The following SNTA1 variants were observed in gnomAD, a reference collection of about 807,000 sequenced individuals.
SNTA1 encodes alpha-1-syntrophin.
A neutral mutation model predicts 47.1 loss-of-function variants in SNTA1; 31 were observed. The ratio of observed to expected loss-of-function variants is 0.66; its 90% CI spans 0.49 to 0.89. SNTA1 has a LOEUF of 0.89. Ranked by LOEUF, SNTA1 falls within the 40% of genes least tolerant of loss-of-function variation. The pLI is 0.00. For missense variants in SNTA1, 575 were observed against 693.0 expected (o/e 0.83, Z 1.91); for synonymous variants, 300 against 313.6 (o/e 0.96, Z 0.46).
chr20:33,419,337 C>A (rs865904176), intron 2 of SNTA1, among the ~76,000 whole-genome samples: 2 of 152,186 alleles, frequency 1.3e-5, no homozygotes, highest in African/African-American at 4.8e-5. Flanking sequence ...GGAAGTAATT[C>A]TTGGCCCACC....
chr20:33,427,917 T>G (rs1372095325), intron 2 of SNTA1, among the ~76,000 whole-genome samples: 14 of 152,034 alleles, frequency 9.2e-5, no homozygotes, highest in African/African-American at 3.1e-4. Flanking sequence ...CATGGGATTT[T>G]TTTTTTTAAT....
intron 1 of SNTA1, among the ~76,000 whole-genome samples, chr20:33,443,055 A>T (rs1197336080): frequency 6.8e-6 from 1 of 146,508 alleles, no homozygotes; most frequent in Non-Finnish European, 1.5e-5. Context: ...CTCCACACAG[A>T]ACTCCCACCC....
chr20:33,439,222 G>C (rs774516491), intron 1 of SNTA1, among the ~76,000 whole-genome samples, 196 bp from the exon 2 acceptor site: 1 of 152,154 alleles, frequency 6.6e-6, no homozygotes, highest in Non-Finnish European at 1.5e-5. Context: ...AATCATTTTT[G>C]ATTAGGTCCG....
At chr20:33,424,802 C>T (rs1020637758) in intron 2 of SNTA1, among the ~76,000 whole-genome samples, 6 of 149,882 alleles carry the variant, frequency 4.0e-5, no homozygotes, top group East Asian at 2.1e-4. Flanking sequence ...TTTGAGCCAC[C>T]GTGCCTGGCC....
rs1989912984 is a variant in SNTA1 at position 33,417,820 on chromosome 20, G to A, written c.600C>T (p.Ser200=). The change falls in exon 3 of 8, where the codon TCC becomes TCT. Residue 200 remains serine, a synonymous_variant. Coordinates refer to ENST00000217381, the MANE Select transcript of SNTA1 (RefSeq NM_003098.3). ...PPASPLQRQP[S]SPGPTPRNFS... is the part of the protein sequence containing the mutation. ...AGTTCCGGGGTGTGGGGCCAGGGGA[G>A]GAAGGCTGCCGCTGAAGGGGTGAGG... The A allele has an allele frequency of 2.5e-6, 4 of 1,614,052 alleles. No homozygotes were observed. The highest frequency in any genetic ancestry group is 3.4e-6 in the Non-Finnish European group (4 of 1,179,966).
rs1191500220 is a variant in SNTA1 at position 33,443,401 on chromosome 20, G to C, written c.220C>G (p.Pro74Ala). 7.4e-7 allele frequency: 1 copy of C among 1,350,140 alleles called. No homozygotes were observed. The highest frequency in any genetic ancestry group is 9.4e-7 in the Non-Finnish European group (1 of 1,058,698). The allele number at this position is 1,350,140 out of a possible 1,614,324, so 83.6% of individuals were successfully genotyped here. A position where few individuals can be genotyped will look rare whatever the true frequency, so the allele number is the denominator to read the frequency against. ...AGTAGCGCCTCTGGCAGCTGCGGGG[G>C]CCCGGCGCCCGGCTCCGCGGCGCCG... ...LNGAAEPGAG[P>A]PQLPEALLLQ... Residue 74 changes from proline to alanine, a missense_variant, in exon 1 of 8, where the codon CCC becomes GCC. Physicochemically the swap from Pro to Ala is conservative, Grantham distance 27. Transcript: ENST00000217381.
At chr20:33,420,871 C>T (rs1990001213) in intron 2 of SNTA1, among the ~76,000 whole-genome samples, 1 of 151,678 alleles carries the variant, frequency 6.6e-6, no homozygotes, top group African/African-American at 2.4e-5. Context: ...GTAATCCCAG[C>T]TACTTGGGAG....
At chr20:33,409,000 G>C in intron 6 of SNTA1, 112 bp from the exon 7 acceptor site, 1 of 936,212 alleles carries the variant, frequency 1.1e-6, no homozygotes, top group South Asian at 1.3e-5. Context: ...CCAGGGATGG[G>C]AGGCTCACTG....
At chr20:33,429,397 A>C (rs571770549) in intron 2 of SNTA1, among the ~76,000 whole-genome samples, 1 of 147,214 alleles carries the variant, frequency 6.8e-6, no homozygotes, top group Non-Finnish European at 1.5e-5. Flanking sequence ...CATGCCTGTA[A>C]TCCTAGCACT....
chr20:33,437,118 C>T (rs1019115628), intron 2 of SNTA1, among the ~76,000 whole-genome samples: 17 of 151,668 alleles, frequency 1.1e-4, no homozygotes, highest in Admixed American at 2.6e-4. Context: ...AAAAAATTAG[C>T]CGGGCATGGT....
intron 5 of SNTA1, 144 bp downstream of exon 5, chr20:33,412,152 G>A (rs1173051016): frequency 3.5e-6 from 3 of 865,730 alleles, no homozygotes; most frequent in African/African-American, 3.4e-5. Flanking sequence ...AGGAAACTGA[G>A]GCCCAGACAG....
intron 2 of SNTA1, among the ~76,000 whole-genome samples, chr20:33,422,308 G>A (rs750314974): frequency 1.6e-4 from 25 of 151,874 alleles, no homozygotes; most frequent in African/African-American, 4.6e-4. Context: ...GCATGGTGGC[G>A]TGCACCTATA....
chr20:33,413,843 G>A (rs527954389), intron 3 of SNTA1, among the ~76,000 whole-genome samples: 14 of 152,182 alleles, frequency 9.2e-5, no homozygotes, highest in Non-Finnish European at 1.8e-4. Context: ...TAGAGGCTGA[G>A]GCAGGAGAAC....
chr20:33,426,134 A>G (rs534806701), intron 2 of SNTA1, among the ~76,000 whole-genome samples: 2 of 151,898 alleles, frequency 1.3e-5, no homozygotes, highest in East Asian at 3.9e-4. Flanking sequence ...AGTAAAATAT[A>G]TCTACTTTAA....
chr20:33,424,532 T>C (rs553530132), intron 2 of SNTA1, among the ~76,000 whole-genome samples: 4 of 151,090 alleles, frequency 2.6e-5, no homozygotes, highest in Non-Finnish European at 4.4e-5. Flanking sequence ...AAAAAAAATT[T>C]TGAGACAGGG....
Position 33,408,284 on chromosome 20 carries a change from G to C in SNTA1, c.*223C>G. The C allele has an allele frequency of 1.7e-6, 1 of 593,400 alleles. No homozygotes were observed. Among genetic ancestry groups the C allele is most frequent in the Admixed American group, 2.7e-5 (1 of 36,516 alleles). The allele number at this position is 593,400 out of a possible 1,614,324, so 36.8% of individuals were successfully genotyped here. ...CTCTGCAAAAGGCACTGGTGGAGGG[G>C]GGCAGCAGGAAGGCCACCCCATCAC... On this transcript the variant is annotated 3_prime_UTR_variant, in exon 8 of 8. Transcript: ENST00000217381.
intron 2 of SNTA1, 133 bp downstream of exon 2, chr20:33,438,708 T>G: frequency 1.2e-6 from 1 of 815,380 alleles, no homozygotes; most frequent in South Asian, 1.4e-5. Flanking sequence ...CCCCAAATTC[T>G]GTTTCTGTTT....
chr20:33,440,829 A>C (rs1329716505), intron 1 of SNTA1, among the ~76,000 whole-genome samples: 1 of 151,924 alleles, frequency 6.6e-6, no homozygotes, highest in Non-Finnish European at 1.5e-5. Context: ...CACACACACA[A>C]AAAGGCAACA....
In SNTA1 at chr20:33,417,730, G is replaced by A; in HGVS notation, c.690C>T (p.Asp230=). The change falls in exon 3 of 8, where the codon GAC becomes GAT. Residue 230 remains aspartate (D), a synonymous_variant. Coordinates refer to ENST00000217381, the MANE Select transcript of SNTA1 (RefSeq NM_003098.3). ...AACCCCAGCCTTACCTGGGCTCCGGGTCATTGGGGGTGCACCTCTTCGAGA... is the reference window on the plus strand; with the variant it reads ...AACCCCAGCCTTACCTGGGCTCCGGATCATTGGGGGTGCACCTCTTCGAGA... ...AYVSKRCTPN[D]PEPRYLEICS... 3 of 1,613,734 alleles carry A rather than the reference G, an allele frequency of 1.9e-6. No individual in the cohort carries two copies. Among genetic ancestry groups the A allele is most frequent in the South Asian group, 1.1e-5 (1 of 91,082 alleles).
Sources: gnomAD v4.1 joint callset for allele counts (sites outside exome capture counted in the v4.1 genomes callset) on GRCh38, gnomAD v4.1.1 for gene constraint, MANE v1.5 for transcripts, NCBI Gene and HGNC (gene_info 2026-07-23, HGNC 2026-07-21) for gene names.